Variants in ADGRL2 observed in about 807,000 individuals in gnomAD.
ADGRL2 encodes adhesion G protein-coupled receptor L2.
ADGRL2 carries 44 observed loss-of-function variants against 157.4 expected under a neutral mutation model. The observed-to-expected ratio is 0.28, with a 90% CI of 0.22 to 0.36. The LOEUF is 0.36. Among genes scored for constraint, ADGRL2 ranks in the 10% least tolerant of loss-of-function variants. ADGRL2 has a pLI of 1.00. For synonymous variants in ADGRL2, 585 were observed against 624.7 expected (o/e 0.94, Z 0.95); for missense variants, 1,510 against 1,768.9 (o/e 0.85, Z 2.63).
chr1:81,326,755 G>A (rs997660275), intron 1 of ADGRL2, among the ~76,000 whole-genome samples: 6 of 152,144 alleles, frequency 3.9e-5, no homozygotes, highest in Non-Finnish European at 5.9e-5. Context: ...TATATCTTCA[G>A]TTCCTCAGGT....
At chr1:81,427,172 C>G (rs12121928) in intron 1 of ADGRL2, 128,179 of 1,008,448 alleles carry the variant, frequency 0.13, 9,046 homozygotes, top group Middle Eastern at 0.18. Context: ...AGGAAACTTT[C>G]GAGGTGGTGG....
chr1:81,975,202 G>A (rs1659842733), intron 17 of ADGRL2, among the ~76,000 whole-genome samples: 1 of 152,148 alleles, frequency 6.6e-6, no homozygotes, highest in South Asian at 2.1e-4. Flanking sequence ...TCATATGTAT[G>A]TACCACAATC....
At chr1:81,314,871 G>A (rs536016263) in intron 1 of ADGRL2, among the ~76,000 whole-genome samples, 3 of 152,210 alleles carry the variant, frequency 2.0e-5, no homozygotes, top group Admixed American at 6.5e-5. Context: ...ATCATTTCCT[G>A]AATGCCATAA....
chr1:81,548,517 G>A (rs908340210), intron 2 of ADGRL2, among the ~76,000 whole-genome samples: 5 of 151,828 alleles, frequency 3.3e-5, no homozygotes, highest in Non-Finnish European at 7.4e-5. Flanking sequence ...AAATTACTTA[G>A]CAAGAGGAAA....
At chr1:81,517,331 C>T (rs929353404) in intron 2 of ADGRL2, among the ~76,000 whole-genome samples, 1 of 151,790 alleles carries the variant, frequency 6.6e-6, no homozygotes, top group African/African-American at 2.4e-5. Context: ...ATTAGCTGGG[C>T]ATGGTGGTGC....
At chr1:81,895,224 C>G (rs947013605) in intron 2 of ADGRL2, among the ~76,000 whole-genome samples, 1 of 151,804 alleles carries the variant, frequency 6.6e-6, no homozygotes, top group Non-Finnish European at 1.5e-5. Flanking sequence ...ATTAATTGGC[C>G]CCCTTATAGA....
rs56275726 is a variant in ADGRL2 at position 81,832,035 on chromosome 1, G to GT, written c.-100-4849dup. Among the ~76,000 whole-genome samples, 225 of 152,274 alleles carry GT rather than the reference G, an allele frequency of 1.5e-3. 1 individual carries two copies. Among genetic ancestry groups the GT allele is most frequent in the Admixed American group, 2.6e-3 (40 of 15,296 alleles). On this transcript the variant is annotated intron_variant, in intron 1 of 23. Transcript: ENST00000686636. ...AAGGATTAGTGATATGTATCTTACAGTATTTCAGACAACACAGAAGTTAGC... is the reference window on the plus strand; with the variant it reads ...AAGGATTAGTGATATGTATCTTACAGTTATTTCAGACAACACAGAAGTTAGC...
chr1:81,325,297 C>G (rs1249143659), intron 1 of ADGRL2, among the ~76,000 whole-genome samples: 1 of 152,164 alleles, frequency 6.6e-6, no homozygotes, highest in Non-Finnish European at 1.5e-5. Context: ...CACAGTACCT[C>G]TTCTGGCAGA....
upstream of ADGRL2, among the ~76,000 whole-genome samples, chr1:81,697,585 C>T (rs536473720): frequency 2.2e-4 from 33 of 152,140 alleles, 1 homozygote; most frequent in East Asian, 5.4e-3. Context: ...CCATAGTAGC[C>T]GCTCAGATGT....
intron 3 of ADGRL2, among the ~76,000 whole-genome samples, chr1:81,622,109 G>A (rs1263598575): frequency 6.6e-6 from 1 of 152,150 alleles, no homozygotes; most frequent in South Asian, 2.1e-4. Flanking sequence ...CTTTTTTAAT[G>A]ATAACTTTTT....
intron 1 of ADGRL2, among the ~76,000 whole-genome samples, chr1:81,324,878 A>G (rs1438994198): frequency 1.3e-5 from 2 of 151,970 alleles, no homozygotes; most frequent in African/African-American, 2.4e-5. Flanking sequence ...CACCACACCC[A>G]GCTAATTTTT....
chr1:81,742,370 G>A (rs2085100373), intron 1 of ADGRL2, among the ~76,000 whole-genome samples: 2 of 151,816 alleles, frequency 1.3e-5, no homozygotes, highest in African/African-American at 4.8e-5. Flanking sequence ...CTCTTGTACT[G>A]TTCTTCCATT....
chr1:81,345,390 C>T (rs559672828), intron 1 of ADGRL2, among the ~76,000 whole-genome samples: 13 of 152,286 alleles, frequency 8.5e-5, no homozygotes, highest in African/African-American at 2.2e-4. Flanking sequence ...CTGATACATA[C>T]GCATTTTAAA....
chr1:81,775,584 TAAA>T (rs78771563), intron 2 of ADGRL2, among the ~76,000 whole-genome samples: 4 of 138,698 alleles, frequency 2.9e-5, no homozygotes, highest in South Asian at 2.3e-4. Context: ...GGTCCTGGTT[TAAA>T]AAAAAAAAAA....
chr1:81,514,130 A>G (rs1178718881), intron 2 of ADGRL2: 2 of 112,482 alleles, frequency 1.8e-5, no homozygotes, highest in African/African-American at 1.0e-4. Context: ...CACTTAACTC[A>G]GTGGAGACAT....
At chr1:81,868,874 A>G (rs1318791254) in intron 2 of ADGRL2, among the ~76,000 whole-genome samples, 1 of 152,126 alleles carries the variant, frequency 6.6e-6, no homozygotes, top group Non-Finnish European at 1.5e-5. Flanking sequence ...AGCCACTCAC[A>G]GGTAGGATAC....
At chr1:81,522,113 C>T (rs536792131) in intron 2 of ADGRL2, among the ~76,000 whole-genome samples, 2 of 151,894 alleles carry the variant, frequency 1.3e-5, no homozygotes, top group East Asian at 1.9e-4. Context: ...TACAGGCGCA[C>T]ACCACTGTAC....
intron 1 of ADGRL2, among the ~76,000 whole-genome samples, chr1:81,809,327 A>G (rs1005519854): frequency 6.6e-6 from 1 of 152,056 alleles, no homozygotes; most frequent in African/African-American, 2.4e-5. Context: ...TGGGTAGGTT[A>G]GGCAGATGTT....
At chr1:81,381,535 T>G (rs1428974286) in intron 1 of ADGRL2, among the ~76,000 whole-genome samples, 2 of 152,040 alleles carry the variant, frequency 1.3e-5, no homozygotes, top group Non-Finnish European at 2.9e-5. Flanking sequence ...TGTGATCCAC[T>G]GCACTCCAGC....
Sources: allele counts gnomAD v4.1 joint callset (sites outside exome capture counted in the v4.1 genomes callset), GRCh38; gene constraint gnomAD v4.1.1; transcripts MANE v1.5; gene names NCBI Gene and HGNC (gene_info 2026-07-23, HGNC 2026-07-21).